The following TRPM3 variants were observed in gnomAD, a reference collection of about 807,000 sequenced individuals.
The protein encoded by TRPM3 is long transient receptor potential channel 3.
A neutral mutation model predicts 181.2 loss-of-function variants in TRPM3; 77 were observed. The observed-to-expected ratio is 0.42, with a 90% CI of 0.35 to 0.51. The LOEUF (loss-of-function observed/expected upper bound fraction) is 0.51. Ranked by LOEUF, TRPM3 falls within the 20% of genes least tolerant of loss-of-function variation. The pLI is 0.01. For synonymous variants in TRPM3, 745 were observed against 796.4 expected (o/e 0.94, Z 1.09); for missense variants, 1,759 against 2,196.7 (o/e 0.80, Z 3.98).
intron 21 of TRPM3, among the ~76,000 whole-genome samples, chr9:70,593,134 A>G (rs998178256): frequency 2.6e-5 from 4 of 152,206 alleles, no homozygotes; most frequent in Admixed American, 1.3e-4. Context: ...GGCAACTTCA[A>G]AATGCATCTC....
At chr9:71,073,344 A>G (rs536079039) in intron 1 of TRPM3, among the ~76,000 whole-genome samples, 1 of 152,232 alleles carries the variant, frequency 6.6e-6, no homozygotes, top group Non-Finnish European at 1.5e-5. Flanking sequence ...TATCAAGGCC[A>G]AAAGGAAAGT....
At chr9:70,996,218 GA>G (rs1177939246) in intron 1 of TRPM3, among the ~76,000 whole-genome samples, 7 of 152,168 alleles carry the variant, frequency 4.6e-5, no homozygotes, top group Non-Finnish European at 7.3e-5. Context: ...GAATTCTGCA[GA>G]TTATATAAAG....
At chr9:70,998,266 T>TC (rs1554794865) in intron 1 of TRPM3, among the ~76,000 whole-genome samples, 1 of 132,782 alleles carries the variant, frequency 7.5e-6, no homozygotes, top group African/African-American at 3.0e-5. Context: ...TATATATATA[T>TC]TTTTTTTAGT....
chr9:70,932,273 T>A (rs965082411), intron 1 of TRPM3, among the ~76,000 whole-genome samples: 3 of 151,988 alleles, frequency 2.0e-5, no homozygotes, highest in Non-Finnish European at 4.4e-5. Flanking sequence ...AGTAAGAGAG[T>A]GGGGAAGAGG....
At chr9:70,679,265 AATAC>A (rs1361914463) in intron 9 of TRPM3, among the ~76,000 whole-genome samples, 2 of 152,232 alleles carry the variant, frequency 1.3e-5, no homozygotes, top group African/African-American at 4.8e-5. Flanking sequence ...CAATTTTCCA[AATAC>A]ATATGTGTAA....
At chr9:70,839,087 C>G (rs1368453681) in intron 5 of TRPM3, among the ~76,000 whole-genome samples, 1 of 152,082 alleles carries the variant, frequency 6.6e-6, no homozygotes, top group African/African-American at 2.4e-5. Context: ...AAAAAATGTC[C>G]CCACTGTAGT....
chr9:71,224,068 C>T (rs1184542027), intron 1 of TRPM3, among the ~76,000 whole-genome samples: 2 of 152,192 alleles, frequency 1.3e-5, no homozygotes, highest in East Asian at 1.9e-4. Flanking sequence ...GTAGTGGCTA[C>T]AGCAGGCCTT....
chr9:70,560,906 A>G (rs1378445573), intron 22 of TRPM3, among the ~76,000 whole-genome samples: 1 of 152,204 alleles, frequency 6.6e-6, no homozygotes, highest in Non-Finnish European at 1.5e-5. Flanking sequence ...TCATCCTATA[A>G]TATGCAGGGA....
chr9:71,317,203 G>A lies in TRPM3; in HGVS notation c.183+129450C>T, dbSNP rs1318499878. ...CAAAAATGAACACCTTAAAAAGAGA[G>A]CTGAATCTATCATTTCTAGCAGAAA... On this transcript the variant is annotated intron_variant, in intron 1 of 24. Transcript: ENST00000357533. 2.0e-5 allele frequency among the ~76,000 whole-genome samples: 3 copies of A among 152,152 alleles called. No individual in the cohort carries two copies. The East Asian group carries it at 5.8e-4, about 29-fold the overall frequency.
chr9:71,343,632 A>G (rs2091106089), intron 1 of TRPM3, among the ~76,000 whole-genome samples: 1 of 152,122 alleles, frequency 6.6e-6, no homozygotes, highest in Non-Finnish European at 1.5e-5. Context: ...TAAAGAGAAA[A>G]GGGTAAATAT....
At chr9:70,690,755 T>G (rs10868875) in intron 8 of TRPM3, among the ~76,000 whole-genome samples, 41,401 of 151,952 alleles carry the variant, frequency 0.27, 5,838 homozygotes, top group South Asian at 0.33. Context: ...AGACTCTTGA[T>G]AGGGATCCAA....
chr9:70,551,317 C>G (rs747662317), intron 24 of TRPM3, among the ~76,000 whole-genome samples: 2 of 152,184 alleles, frequency 1.3e-5, no homozygotes, highest in African/African-American at 2.4e-5. Flanking sequence ...TGACCTTCAC[C>G]CTTTTCCACC....
intron 6 of TRPM3, among the ~76,000 whole-genome samples, chr9:70,794,201 G>A (rs2086408864): frequency 6.6e-6 from 1 of 152,080 alleles, no homozygotes. Flanking sequence ...CATAACTCAT[G>A]ATCGTGTGGG....
intron 1 of TRPM3, among the ~76,000 whole-genome samples, chr9:71,399,685 C>A (rs147513678): frequency 4.0e-5 from 6 of 151,736 alleles, no homozygotes; most frequent in African/African-American, 1.5e-4. Flanking sequence ...CCCGCCACCA[C>A]GCCCAGCTAA....
At chr9:71,368,216 G>C (rs1431021082) in intron 1 of TRPM3, among the ~76,000 whole-genome samples, 1 of 152,052 alleles carries the variant, frequency 6.6e-6, no homozygotes, top group Non-Finnish European at 1.5e-5. Context: ...CCCTCTGATT[G>C]TGAGTAAAAC....
intron 1 of TRPM3, among the ~76,000 whole-genome samples, chr9:71,205,741 G>A (rs2079084592): frequency 6.6e-6 from 1 of 152,164 alleles, no homozygotes; most frequent in South Asian, 2.1e-4. Flanking sequence ...TTTACATTTT[G>A]TGTAGTCTGG....
intron 1 of TRPM3, among the ~76,000 whole-genome samples, chr9:71,114,738 C>A (rs1032082981): frequency 6.6e-6 from 1 of 152,152 alleles, no homozygotes; most frequent in Admixed American, 6.5e-5. Context: ...AAGGGACATG[C>A]CCTTGAGTGA....
At chr9:71,280,249 T>C (rs1221369441) in intron 1 of TRPM3, among the ~76,000 whole-genome samples, 1 of 152,192 alleles carries the variant, frequency 6.6e-6, no homozygotes, top group Non-Finnish European at 1.5e-5. Context: ...TGGTGGGTCC[T>C]GCAGTCACGT....
chr9:71,168,067 T>C (rs1037105961), intron 1 of TRPM3, among the ~76,000 whole-genome samples: 2 of 152,190 alleles, frequency 1.3e-5, no homozygotes, highest in African/African-American at 4.8e-5. Context: ...AAATTTTTAC[T>C]TTAATAGGTA....
Sources: gnomAD v4.1 joint callset for allele counts (sites outside exome capture counted in the v4.1 genomes callset) on GRCh38, gnomAD v4.1.1 for gene constraint, MANE v1.5 for transcripts, NCBI Gene and HGNC (gene_info 2026-07-23, HGNC 2026-07-21) for gene names.